The following RAB28 variants were observed in gnomAD, a reference collection of about 807,000 sequenced individuals.
RAB28 encodes the protein RAB28, member RAS oncogene family.
Under a neutral mutation model 31.7 loss-of-function variants are expected in RAB28, and 24 were observed. The ratio of observed to expected loss-of-function variants is 0.76; its 90% CI spans 0.55 to 1.06. RAB28 has a LOEUF of 1.06. Among genes scored for constraint, RAB28 ranks in the 50% least tolerant of loss-of-function variants. The probability of loss-of-function intolerance (pLI) is 0.00; values close to 1 mark genes in which losing one functional copy is unlikely to be tolerated. For synonymous variants in RAB28, 100 were observed against 90.4 expected, an observed-to-expected ratio of 1.11 and a Z score of -0.60; for missense variants, 254 against 258.5, an observed-to-expected ratio of 0.98 and a Z score of 0.12.
At chr4:13,409,563 G>T (rs1056829832) in intron 4 of RAB28, among the ~76,000 whole-genome samples, 1 of 152,168 alleles carries the variant, frequency 6.6e-6, no homozygotes, top group Non-Finnish European at 1.5e-5. Context: ...GATCTGGCAG[G>T]AGCTGGAGGA....
intron 6 of RAB28, among the ~76,000 whole-genome samples, chr4:13,372,341 T>C (rs1728748547): frequency 6.6e-6 from 1 of 151,262 alleles, no homozygotes. Flanking sequence ...AGAGTGGGAG[T>C]TTTTTAAAAG....
intron 4 of RAB28, among the ~76,000 whole-genome samples, chr4:13,445,377 G>A (rs3907084): frequency 0.094 from 14,270 of 151,888 alleles, 1,321 homozygotes; most frequent in African/African-American, 0.24. Context: ...CAGTTCATCC[G>A]TCTCAGCTTT....
chr4:13,484,220 G>A lies in RAB28; in HGVS notation c.-70C>T, dbSNP rs568471567. ...GGAAGGATGAAGGCTCCGGGGGCGGGGGAGAGGAGGAAGGGAGGTAGTTGC... is the reference window on the plus strand; with the variant it reads ...GGAAGGATGAAGGCTCCGGGGGCGGAGGAGAGGAGGAAGGGAGGTAGTTGC... On this transcript the variant is annotated 5_prime_UTR_variant, in exon 1 of 7. Transcript: ENST00000330852. 47 of 1,287,300 alleles carry A rather than the reference G, an allele frequency of 3.7e-5. No homozygotes were observed. The highest frequency in any genetic ancestry group is 1.8e-4 in the Admixed American group (9 of 50,586). The allele number at this position is 1,287,300 out of a possible 1,614,324, so 79.7% of individuals were successfully genotyped here. A position where few individuals can be genotyped will look rare whatever the true frequency, so the allele number is the denominator to read the frequency against.
intron 4 of RAB28, among the ~76,000 whole-genome samples, chr4:13,449,163 T>G (rs1560136237): frequency 1.3e-5 from 2 of 151,978 alleles, no homozygotes; most frequent in Non-Finnish European, 2.9e-5. Flanking sequence ...TAACAATGAC[T>G]TGTTCACTTT....
At chr4:13,392,159 C>T (rs1729661545) in intron 4 of RAB28, among the ~76,000 whole-genome samples, 1 of 152,116 alleles carries the variant, frequency 6.6e-6, no homozygotes, top group African/African-American at 2.4e-5. Flanking sequence ...TCTAGTGGAA[C>T]ACTAACTCTC....
At chr4:13,432,435 G>A (rs1713862761) in intron 4 of RAB28, among the ~76,000 whole-genome samples, 1 of 152,074 alleles carries the variant, frequency 6.6e-6, no homozygotes, top group African/African-American at 2.4e-5. Flanking sequence ...AAGGAATTAA[G>A]AGAACTCTTG....
intron 4 of RAB28, chr4:13,459,738 T>C (rs1715489272): frequency 6.7e-6 from 7 of 1,045,874 alleles, no homozygotes; most frequent in Non-Finnish European, 8.1e-6. Context: ...AGGAAGTTTA[T>C]AAGAGACAGG....
intron 4 of RAB28, among the ~76,000 whole-genome samples, chr4:13,383,873 T>C (rs1325114962): frequency 1.3e-4 from 20 of 152,164 alleles, no homozygotes; most frequent in Admixed American, 1.3e-3. Context: ...GTCCTGCCTA[T>C]CACACAGGGC....
intron 4 of RAB28, among the ~76,000 whole-genome samples, chr4:13,430,791 G>C (rs1242176173): frequency 6.6e-6 from 1 of 152,100 alleles, no homozygotes; most frequent in African/African-American, 2.4e-5. Context: ...AGCTCCCCAG[G>C]GAGCTGTGGT....
chr4:13,407,139 G>A (rs1285101939), intron 4 of RAB28, among the ~76,000 whole-genome samples: 1 of 152,138 alleles, frequency 6.6e-6, no homozygotes, highest in East Asian at 1.9e-4. Context: ...TATGGTTTTA[G>A]GTCTAACATT....
At chr4:13,398,063 T>A (rs1444552208) in intron 4 of RAB28, among the ~76,000 whole-genome samples, 1 of 152,064 alleles carries the variant, frequency 6.6e-6, no homozygotes, top group Non-Finnish European at 1.5e-5. Context: ...GTTACCTAAA[T>A]CCCTTTTAGT....
chr4:13,455,401 TC>T (rs1194549317), intron 4 of RAB28, among the ~76,000 whole-genome samples: 2 of 152,156 alleles, frequency 1.3e-5, no homozygotes, highest in African/African-American at 4.8e-5. Flanking sequence ...GGGGACTGGT[TC>T]CCCTGCTGTG....
intron 1 of RAB28, among the ~76,000 whole-genome samples, chr4:13,483,249 C>A (rs1716694655): frequency 6.6e-6 from 1 of 152,124 alleles, no homozygotes; most frequent in Admixed American, 6.5e-5. Context: ...GAGCCCCTGC[C>A]TAGGAGATAA....
chr4:13,375,635 A>G (rs2108877337), intron 6 of RAB28, among the ~76,000 whole-genome samples: 1 of 152,332 alleles, frequency 6.6e-6, no homozygotes, highest in South Asian at 2.1e-4. Flanking sequence ...GGCCATACCA[A>G]GTGCTAAAAC....
At chr4:13,436,255 A>G (rs1396954948) in intron 4 of RAB28, among the ~76,000 whole-genome samples, 2 of 152,104 alleles carry the variant, frequency 1.3e-5, no homozygotes, top group East Asian at 1.9e-4. Flanking sequence ...ACATCACACT[A>G]AACAGGCAAA....
At chr4:13,406,158 C>A (rs1009243341) in intron 4 of RAB28, among the ~76,000 whole-genome samples, 5 of 152,252 alleles carry the variant, frequency 3.3e-5, no homozygotes, top group African/African-American at 1.2e-4. Context: ...CCTAGCCCCC[C>A]ACCCCGCTAC....
chr4:13,404,149 C>A (rs895522548), intron 4 of RAB28, among the ~76,000 whole-genome samples: 1 of 152,138 alleles, frequency 6.6e-6, no homozygotes, highest in Non-Finnish European at 1.5e-5. Context: ...GAGGCCAAGG[C>A]GGGAGGATCA....
chr4:13,429,403 T>A (rs1297893059), intron 4 of RAB28, among the ~76,000 whole-genome samples: 2 of 152,206 alleles, frequency 1.3e-5, no homozygotes, highest in Admixed American at 6.5e-5. Flanking sequence ...CAAAAAAAAC[T>A]ATTAGAGGAA....
intron 5 of RAB28, among the ~76,000 whole-genome samples, chr4:13,380,905 G>A (rs1371075692): frequency 6.6e-6 from 1 of 150,866 alleles, no homozygotes; most frequent in African/African-American, 2.4e-5. Flanking sequence ...TAAATGACAT[G>A]GGAACAATAA....
Sources: gnomAD v4.1 joint callset for allele counts (sites outside exome capture counted in the v4.1 genomes callset) on GRCh38, gnomAD v4.1.1 for gene constraint, MANE v1.5 for transcripts, NCBI Gene and HGNC (gene_info 2026-07-23, HGNC 2026-07-21) for gene names.